Variants in ZUP1 observed in about 807,000 individuals in gnomAD.
The protein encoded by ZUP1 is zinc finger containing ubiquitin peptidase 1, also known as zinc finger-containing ubiquitin peptidase 1.
In ZUP1, 55 loss-of-function variants were observed where a neutral mutation model predicts 68.1. The observed-to-expected ratio is 0.81, with a 90% CI of 0.65 to 1.01. The LOEUF (loss-of-function observed/expected upper bound fraction) is 1.01. Among genes scored for constraint, ZUP1 ranks in the 50% least tolerant of loss-of-function variants. ZUP1 has a pLI of 0.00. For missense variants in ZUP1, 684 were observed against 674.9 expected, an observed-to-expected ratio of 1.01 and a Z score of -0.15; for synonymous variants, 223 against 221.5, an observed-to-expected ratio of 1.01 and a Z score of -0.06.
rs377355356 is a variant in ZUP1 at position 116,667,048 on chromosome 6, C to A, written c.145G>T (p.Glu49Ter). Residue 49 changes from glutamate to a stop codon, truncating the protein, a stop_gained, in exon 2 of 10, where the codon GAA (glutamate) becomes TAA (stop). Transcript: ENST00000368576. LOFTEE classifies it high-confidence loss of function. ...GTATTCTGCTCAAAATGAGCTGTTT[C>A]GATATGAAAACACATTTCATCATAA... ...VNYDEMCFHIETAHFEQNTLE... is the reference protein window; with the variant it reads ...VNYDEMCFHI 9 of 1,613,530 alleles carry A rather than the reference C, an allele frequency of 5.6e-6. No individual in the cohort carries two copies. The highest frequency in any genetic ancestry group is 7.6e-6 in the Non-Finnish European group (9 of 1,179,824).
intron 9 of ZUP1, among the ~76,000 whole-genome samples, chr6:116,643,614 C>T (rs1284427153): frequency 6.6e-6 from 1 of 152,128 alleles, no homozygotes; most frequent in Non-Finnish European, 1.5e-5. Flanking sequence ...ATAAATGGTG[C>T]TGGGAAAACT....
chr6:116,645,693 T>A (rs368638660), intron 9 of ZUP1, 21 bp downstream of exon 9: 2 of 1,536,044 alleles, frequency 1.3e-6, no homozygotes, highest in Non-Finnish European at 1.8e-6. Context: ...AAACTTCACA[T>A]ATAAATATTT....
intron 2 of ZUP1, 63 bp downstream of exon 2, chr6:116,666,571 T>C (rs896099792): frequency 2.5e-5 from 36 of 1,412,850 alleles, no homozygotes; most frequent in Admixed American, 2.5e-4. Context: ...AACCAACTTT[T>C]AAAATACCAC....
At chr6:116,652,333 C>G (rs1292937196) in intron 5 of ZUP1, 141 bp from the exon 6 acceptor site, 1 of 670,110 alleles carries the variant, frequency 1.5e-6, no homozygotes, top group Non-Finnish European at 2.4e-6. Context: ...TTGCTATAAC[C>G]TTAGTTTGTG....
intron 2 of ZUP1, among the ~76,000 whole-genome samples, chr6:116,662,519 T>C (rs574280852): frequency 3.9e-5 from 6 of 152,292 alleles, no homozygotes; most frequent in East Asian, 3.9e-4. Flanking sequence ...TGGCAGTGTC[T>C]TAACAATCTT....
chr6:116,644,613 C>G (rs1195725203), intron 9 of ZUP1, among the ~76,000 whole-genome samples: 1 of 151,398 alleles, frequency 6.6e-6, no homozygotes, highest in Non-Finnish European at 1.5e-5. Flanking sequence ...ACCGCATGTT[C>G]TCACTCATAG....
chr6:116,656,576 AT>A (rs11322968), intron 5 of ZUP1, 107 bp downstream of exon 5: 176,379 of 846,086 alleles, frequency 0.21, 19,668 homozygotes, highest in East Asian at 0.32. Context: ...TTTTAAAAAA[AT>A]ATTTGTGCAC....
At chr6:116,636,715 A>G (rs368170505) in intron 9 of ZUP1, among the ~76,000 whole-genome samples, 26 of 152,330 alleles carry the variant, frequency 1.7e-4, no homozygotes, top group African/African-American at 5.5e-4. Flanking sequence ...AGAACTAATC[A>G]TAAGTACAAA....
At chr6:116,639,269 A>C (rs562712711) in intron 9 of ZUP1, among the ~76,000 whole-genome samples, 103 of 152,338 alleles carry the variant, frequency 6.8e-4, no homozygotes, top group African/African-American at 2.4e-3. Context: ...GGGCACAGAC[A>C]AACAAAAAGA....
At chr6:116,652,277 C>A (rs943810111) in intron 5 of ZUP1, 85 bp from the exon 6 acceptor site, 1 of 991,526 alleles carries the variant, frequency 1.0e-6, no homozygotes, top group Admixed American at 2.7e-5. Flanking sequence ...CTCTCCTTCA[C>A]GCACCATACC....
At chr6:116,667,241 T>C (rs1261879815) in intron 1 of ZUP1, 34 bp from the exon 2 acceptor site, 1 of 1,369,044 alleles carries the variant, frequency 7.3e-7, no homozygotes, top group Admixed American at 2.7e-5. Flanking sequence ...TTTCAAAGAT[T>C]TGAAGAAAAA....
In ZUP1 at chr6:116,667,480, T is replaced by A. The variant is rs76395165; in HGVS notation, c.-15-273A>T. The stretch of plus-strand genomic sequence containing the variant: ...TCTCTGGCCCAAGGTGGAGAAAAAA[T>A]AACGTTTAAAAAATTGTCCAGGTAA... On this transcript the variant is annotated intron_variant, in intron 1 of 9. Transcript: ENST00000368576. Among the ~76,000 whole-genome samples the A allele has an allele frequency of 0.011, 1,734 of 151,084 alleles. 34 individuals are homozygous for A. Among genetic ancestry groups the A allele is most frequent in the African/African-American group, 0.041 (1,679 of 41,034 alleles).
chr6:116,657,612 A>G (rs911758396), intron 4 of ZUP1, among the ~76,000 whole-genome samples: 1 of 152,232 alleles, frequency 6.6e-6, no homozygotes, highest in Non-Finnish European at 1.5e-5. Flanking sequence ...ATGTCTGAGA[A>G]AAAAAGAGAG....
At position 116,644,816 on chromosome 6, in the gene ZUP1, G is replaced by A. The variant is rs926730321; in HGVS notation, c.1689+898C>T. Among the ~76,000 whole-genome samples the A allele has an allele frequency of 5.3e-5, 8 of 151,122 alleles. No homozygotes were observed. The South Asian group carries it at 1.7e-3, about 32-fold the overall frequency. ...TAACTAACCTGCACATTGTGCACATGTACCCTAAAACTTAAAGTATGATAA... is the reference window on the plus strand; with the variant it reads ...TAACTAACCTGCACATTGTGCACATATACCCTAAAACTTAAAGTATGATAA... On this transcript the variant is annotated intron_variant, in intron 9 of 9. Coordinates refer to ENST00000368576, the MANE Select transcript of ZUP1 (RefSeq NM_145062.3).
chr6:116,639,464 C>T (rs1015047547), intron 9 of ZUP1, among the ~76,000 whole-genome samples: 3 of 152,214 alleles, frequency 2.0e-5, no homozygotes, highest in African/African-American at 7.2e-5. Flanking sequence ...TGACACCTCA[C>T]ACGGCCGGGT....
intron 8 of ZUP1, chr6:116,646,170 A>G: frequency 2.8e-6 from 1 of 353,626 alleles, no homozygotes. Flanking sequence ...TATTCTGCCA[A>G]ATATTTTACT....
chr6:116,648,047 A>C (rs1776367975), intron 7 of ZUP1, among the ~76,000 whole-genome samples: 1 of 152,214 alleles, frequency 6.6e-6, no homozygotes, highest in Admixed American at 6.5e-5. Context: ...TTAATTCCTC[A>C]GTAGCCATTG....
At chr6:116,662,403 A>C (rs894989100) in intron 2 of ZUP1, among the ~76,000 whole-genome samples, 1 of 152,176 alleles carries the variant, frequency 6.6e-6, no homozygotes, top group Non-Finnish European at 1.5e-5. Context: ...TACCACCAGA[A>C]TCTAAACTAA....
At chr6:116,641,627 C>T (rs374645329) in intron 9 of ZUP1, among the ~76,000 whole-genome samples, 10 of 152,040 alleles carry the variant, frequency 6.6e-5, no homozygotes, top group South Asian at 2.1e-4. Flanking sequence ...AATAAAGATG[C>T]TCTTTGAAAC....
Sources: allele counts gnomAD v4.1 joint callset (sites outside exome capture counted in the v4.1 genomes callset), GRCh38; gene constraint gnomAD v4.1.1; transcripts MANE v1.5; gene names NCBI Gene and HGNC (gene_info 2026-07-23, HGNC 2026-07-21).